PLXDC2: variants seen among roughly 807,000 people sequenced by gnomAD.
PLXDC2 encodes the protein plexin domain containing 2.
A neutral mutation model predicts 68.9 loss-of-function variants in PLXDC2; 40 were observed. The observed-to-expected ratio is 0.58, with a 90% CI of 0.45 to 0.76. The LOEUF (loss-of-function observed/expected upper bound fraction) is 0.76. Ranked by LOEUF, PLXDC2 falls within the 30% of genes least tolerant of loss-of-function variation. The pLI is 0.00. For missense variants in PLXDC2, 644 were observed against 661.9 expected, an observed-to-expected ratio of 0.97 and a Z score of 0.30; for synonymous variants, 243 against 234.2, an observed-to-expected ratio of 1.04 and a Z score of -0.34.
chr10:19,930,423 G>T (rs1480070124), intron 1 of PLXDC2, among the ~76,000 whole-genome samples: 1 of 152,116 alleles, frequency 6.6e-6, no homozygotes, highest in South Asian at 2.1e-4. Context: ...GTTGTCAAGA[G>T]AAATATTTGC....
At chr10:20,079,971 C>G (rs1371102308) in intron 4 of PLXDC2, among the ~76,000 whole-genome samples, 1 of 151,232 alleles carries the variant, frequency 6.6e-6, no homozygotes, top group Non-Finnish European at 1.5e-5. Context: ...AAACAAGAAA[C>G]AAAAAAATGG....
intron 1 of PLXDC2, among the ~76,000 whole-genome samples, chr10:19,963,841 A>C (rs79534679): frequency 0.096 from 14,617 of 152,086 alleles, 814 homozygotes; most frequent in East Asian, 0.25. Context: ...TATAATAAAA[A>C]AAAAAACAAA....
chr10:20,189,330 T>C (rs1306072313), intron 9 of PLXDC2, among the ~76,000 whole-genome samples: 1 of 150,694 alleles, frequency 6.6e-6, no homozygotes, highest in African/African-American at 2.4e-5. Context: ...CTGTCATGAA[T>C]TGGAAACTGG....
At chr10:19,977,249 C>T (rs1834472780) in intron 1 of PLXDC2, among the ~76,000 whole-genome samples, 1 of 152,170 alleles carries the variant, frequency 6.6e-6, no homozygotes, top group Admixed American at 6.5e-5. Context: ...ATTCTGGGAC[C>T]TCCCACTAAA....
At chr10:20,229,652 A>G (rs1404549784) in intron 12 of PLXDC2, among the ~76,000 whole-genome samples, 1 of 152,124 alleles carries the variant, frequency 6.6e-6, no homozygotes, top group Non-Finnish European at 1.5e-5. Context: ...ATCTTCTTCG[A>G]AACAGCTAGG....
intron 3 of PLXDC2, among the ~76,000 whole-genome samples, chr10:20,065,607 A>G (rs1836194166): frequency 6.6e-6 from 1 of 152,186 alleles, no homozygotes; most frequent in African/African-American, 2.4e-5. Flanking sequence ...ACTCACCATA[A>G]TATAAAATCA....
intron 1 of PLXDC2, among the ~76,000 whole-genome samples, chr10:19,876,367 C>T (rs1326936763): frequency 6.6e-6 from 1 of 152,038 alleles, no homozygotes; most frequent in African/African-American, 2.4e-5. Flanking sequence ...ATTTTGGTTT[C>T]TCAACCCACA....
At chr10:19,913,394 A>T (rs930612586) in intron 1 of PLXDC2, among the ~76,000 whole-genome samples, 3 of 152,110 alleles carry the variant, frequency 2.0e-5, no homozygotes, top group African/African-American at 7.2e-5. Context: ...AGCCTGTGGA[A>T]CCATGACCCA....
intron 1 of PLXDC2, among the ~76,000 whole-genome samples, chr10:19,903,947 T>C (rs1838201367): frequency 6.6e-6 from 1 of 152,190 alleles, no homozygotes; most frequent in South Asian, 2.1e-4. Flanking sequence ...GACCCAATGA[T>C]CATTCAGGAT....
chr10:20,083,471 C>T (rs1836614606), intron 4 of PLXDC2, among the ~76,000 whole-genome samples: 1 of 98,042 alleles, frequency 1.0e-5, no homozygotes, highest in Non-Finnish European at 1.8e-5. Flanking sequence ...AGCGAGACTC[C>T]GTCTCAAAAA....
chr10:20,019,529 G>A (rs935108010), intron 2 of PLXDC2, among the ~76,000 whole-genome samples: 3 of 152,276 alleles, frequency 2.0e-5, no homozygotes, highest in African/African-American at 7.2e-5. Context: ...TATAGAGATA[G>A]GGTTTTTAGG....
chr10:20,038,508 T>A (rs980730960), intron 2 of PLXDC2, among the ~76,000 whole-genome samples: 2 of 152,184 alleles, frequency 1.3e-5, no homozygotes, highest in Non-Finnish European at 2.9e-5. Context: ...TTGAATTGTA[T>A]ACCATGTAAT....
At chr10:19,904,207 TA>T (rs1838204930) in intron 1 of PLXDC2, among the ~76,000 whole-genome samples, 1 of 152,204 alleles carries the variant, frequency 6.6e-6, no homozygotes, top group Admixed American at 6.5e-5. Flanking sequence ...CCATTTGTTG[TA>T]GTGTATAGTT....
chr10:19,872,943 C>T (rs1837567372), intron 1 of PLXDC2, among the ~76,000 whole-genome samples: 1 of 152,100 alleles, frequency 6.6e-6, no homozygotes, highest in Non-Finnish European at 1.5e-5. Context: ...TCCCGTTTTC[C>T]ACATATCTAA....
intron 1 of PLXDC2, among the ~76,000 whole-genome samples, chr10:19,915,075 C>T (rs1339158263): frequency 6.6e-6 from 1 of 152,104 alleles, no homozygotes; most frequent in Non-Finnish European, 1.5e-5. Flanking sequence ...CTCTACCAAT[C>T]TCTGTCCTTT....
chr10:20,209,256 C>T (rs746723007), intron 9 of PLXDC2, among the ~76,000 whole-genome samples: 5 of 152,034 alleles, frequency 3.3e-5, no homozygotes, highest in African/African-American at 7.2e-5. Flanking sequence ...AGAAGACGGC[C>T]GCCCCTGAAG....
chr10:19,940,500 G>T (rs1291870429), intron 1 of PLXDC2, among the ~76,000 whole-genome samples: 1 of 150,554 alleles, frequency 6.6e-6, no homozygotes, highest in Non-Finnish European at 1.5e-5. Flanking sequence ...GTTTTACTTG[G>T]GTAGGTCTGA....
intron 4 of PLXDC2, among the ~76,000 whole-genome samples, chr10:20,083,333 C>T (rs976095887): frequency 5.3e-5 from 8 of 151,902 alleles, no homozygotes; most frequent in Non-Finnish European, 1.0e-4. Flanking sequence ...AAAAATTAGC[C>T]GGGCGAGGTG....
chr10:20,137,554 G>A (rs1320632198), intron 4 of PLXDC2, among the ~76,000 whole-genome samples: 3 of 152,226 alleles, frequency 2.0e-5, no homozygotes, highest in Non-Finnish European at 4.4e-5. Flanking sequence ...AAAGTAGCAT[G>A]ATTTGAGGTG....
Sources: gnomAD v4.1 joint callset for allele counts (sites outside exome capture counted in the v4.1 genomes callset) on GRCh38, gnomAD v4.1.1 for gene constraint, MANE v1.5 for transcripts, NCBI Gene and HGNC (gene_info 2026-07-23, HGNC 2026-07-21) for gene names.